Variants in SULT1A1 observed in about 807,000 individuals in gnomAD.
The protein encoded by SULT1A1 is sulfotransferase family 1A member 1.
A neutral mutation model predicts 36.8 loss-of-function variants in SULT1A1; 35 were observed. The observed-to-expected ratio is 0.95, with a 90% CI of 0.73 to 1.26. The LOEUF (loss-of-function observed/expected upper bound fraction) is 1.26, where lower values mean the gene tolerates loss of function less well. Among genes scored for constraint, SULT1A1 ranks in the 50% most tolerant of loss-of-function variants. The probability of loss-of-function intolerance (pLI) is 0.00; values close to 1 mark genes in which losing one functional copy is unlikely to be tolerated. For missense variants in SULT1A1, 309 were observed against 383.0 expected, an observed-to-expected ratio of 0.81 and a Z score of 1.61; for synonymous variants, 119 against 146.0, an observed-to-expected ratio of 0.82 and a Z score of 1.33.
chr16:28,618,751 T>A (rs1034642494), intron 2 of SULT1A1, among the ~76,000 whole-genome samples: 1 of 152,202 alleles, frequency 6.6e-6, no homozygotes, highest in Non-Finnish European at 1.5e-5. Context: ...TCCTTCACTA[T>A]CAATACCTTT....
At chr16:28,622,834 A>C (rs1043418102) in intron 1 of SULT1A1, among the ~76,000 whole-genome samples, 7 of 151,998 alleles carry the variant, frequency 4.6e-5, no homozygotes, top group Admixed American at 2.0e-4. Flanking sequence ...ACCCAACCCC[A>C]GAGTCTGAGC....
chr16:28,621,268 G>A (rs2047648135), intron 1 of SULT1A1, among the ~76,000 whole-genome samples: 1 of 151,904 alleles, frequency 6.6e-6, no homozygotes, highest in African/African-American at 2.4e-5. Context: ...GATTACTTGA[G>A]TTCAGGAGTT....
chr16:28,620,193 C>A (rs2151724344), intron 1 of SULT1A1: 1 of 1,522,474 alleles, frequency 6.6e-7, no homozygotes, highest in African/African-American at 1.4e-5. Context: ...TATAACAGTT[C>A]ATGTTTAAGT....
intron 2 of SULT1A1, among the ~76,000 whole-genome samples, chr16:28,618,367 A>T (rs2047587047): frequency 1.3e-4 from 4 of 31,432 alleles, no homozygotes; most frequent in Admixed American, 4.6e-4. Context: ...TTTTTTTGAG[A>T]CAGAGTCTCG....
intron 2 of SULT1A1, among the ~76,000 whole-genome samples, chr16:28,618,599 C>T (rs1299824358): frequency 6.6e-6 from 1 of 152,096 alleles, no homozygotes; most frequent in Non-Finnish European, 1.5e-5. Flanking sequence ...CCGCCTCCAC[C>T]TCCCAAAGTG....
chr16:28,623,107 C>CGGG, intron 1 of SULT1A1: 7 of 1,509,454 alleles, frequency 4.6e-6, no homozygotes, highest in South Asian at 1.2e-5. Context: ...TCCCACCCCC[C>CGGG]AGGTTCCCCC....
intron 2 of SULT1A1, among the ~76,000 whole-genome samples, chr16:28,618,881 G>A (rs575133106): frequency 1.8e-4 from 28 of 152,268 alleles, no homozygotes; most frequent in African/African-American, 5.5e-4. Flanking sequence ...TTTGCAAATA[G>A]AATCCCAAAT....
intron 2 of SULT1A1, among the ~76,000 whole-genome samples, chr16:28,619,734 T>TAAA (rs55829523): frequency 2.2e-5 from 3 of 135,724 alleles, no homozygotes; most frequent in Non-Finnish European, 3.2e-5. Flanking sequence ...AAAATTTTAT[T>TAAA]AAAAAATATA....
rs181246712 is a variant in SULT1A1, at chr16:28,618,182, C to T, written c.138+1881G>A. ...CTTCCTGAGCAGCTGGGACAACAGA[C>T]GCTTGCCACTATGCCCAGCTAATTT... On this transcript the variant is annotated intron_variant, in intron 2 of 5. Transcript: ENST00000350842. Among the ~76,000 whole-genome samples the T allele has an allele frequency of 1.4e-3, 210 of 151,738 alleles. 1 individual carries two copies. Among genetic ancestry groups the T allele is most frequent in the Non-Finnish European group, 2.4e-3 (164 of 67,926 alleles).
intron 1 of SULT1A1, chr16:28,609,697 G>A: frequency 2.3e-6 from 1 of 436,642 alleles, no homozygotes; most frequent in Non-Finnish European, 3.9e-6. Flanking sequence ...ATTCAAGGCT[G>A]CAGTGGCCAG....
chr16:28,611,167 A>C (rs2047439424), upstream of SULT1A1: 1 of 152,210 alleles, frequency 6.6e-6, no homozygotes, highest in Non-Finnish European at 1.5e-5. Flanking sequence ...TCTAGTAACA[A>C]CCTGTCGGAC....
intron 1 of SULT1A1, 142 bp from the exon 2 acceptor site, chr16:28,609,001 G>T: frequency 1.3e-6 from 2 of 1,550,792 alleles, no homozygotes; most frequent in Non-Finnish European, 1.7e-6. Context: ...TCAGTGGCGG[G>T]GCTGGGGCTG....
At position 28,606,232 on chromosome 16, in the gene SULT1A1, G is replaced by A. The variant is rs2047179492; in HGVS notation, c.599C>T (p.Pro200Leu). 3 of 1,610,010 alleles carry A rather than the reference G, an allele frequency of 1.9e-6. No individual in the cohort carries two copies. The highest frequency in any genetic ancestry group is 1.1e-5 in the South Asian group (1 of 90,940). The stretch of plus-strand genomic sequence containing the variant: ...CAGGATCTTTTGAATCTCCCTTTTC[G>A]GGTTCTGAGCAGCAGAGGGCCCCTC... Reference protein sequence around the residue: ...YLFYEDMKENPKREIQKILEF... With the variant: ...YLFYEDMKENLKREIQKILEF... The change falls in exon 7 of 8, where the codon CCG becomes CTG. Residue 200 changes from proline (P) to leucine (L), a missense_variant. By Grantham distance (98) the Pro-to-Leu change is moderately conservative. This residue lies in a region of SULT1A1 where 219 missense variants were observed against 215.3 expected (regional missense o/e 1.02). Coordinates refer to ENST00000314752, the MANE Select transcript of SULT1A1 (RefSeq NM_001055.4).
intron 1 of SULT1A1, among the ~76,000 whole-genome samples, chr16:28,622,455 T>A (rs1170026804): frequency 6.6e-6 from 1 of 152,048 alleles, no homozygotes; most frequent in Non-Finnish European, 1.5e-5. Context: ...CCCTCACAGG[T>A]ATATAGTCCT....
Position 28,606,974 on chromosome 16 carries a change from A to G in SULT1A1, c.476T>C (p.Leu159Pro), listed in dbSNP as rs755941191. ...ACCTTCTCCGACCATGAACTTCTCC[A>G]GGAAGCTGTCCCAGGTCCCAGGCTC... is the stretch of plus-strand genomic sequence containing the variant. ...HPEPGTWDSF[L>P]EKFMVGEVSY... Residue 159 changes from leucine (L) to proline (P), a missense_variant, in exon 5 of 8, where the codon CTG becomes CCG. By Grantham distance (98) the Leu-to-Pro change is moderately conservative. Around this residue, in one of 3 missense-constraint regions of SULT1A1, gnomAD observed 219 missense variants for 215.3 expected, o/e 1.02. Transcript: ENST00000314752. 1.2e-6 allele frequency: 2 copies of G among 1,612,522 alleles called. No individual in the cohort carries two copies. Among genetic ancestry groups the G allele is most frequent in the Admixed American group, 3.3e-5 (2 of 59,940 alleles).
chr16:28,609,798 C>T (rs2047375893), intron 1 of SULT1A1, 133 bp downstream of exon 1: 1 of 1,001,022 alleles, frequency 1.0e-6, no homozygotes, highest in Non-Finnish European at 1.3e-6. Flanking sequence ...GGGATTCACG[C>T]AGGCCAGGGT....
At chr16:28,616,237 G>C (rs911409586) in intron 2 of SULT1A1, among the ~76,000 whole-genome samples, 1 of 152,180 alleles carries the variant, frequency 6.6e-6, no homozygotes, top group African/African-American at 2.4e-5. Context: ...GGAAGAAAAA[G>C]TAATTGCTAC....
intron 1 of SULT1A1, 57 bp downstream of exon 1, chr16:28,609,874 A>C: frequency 8.1e-7 from 1 of 1,240,314 alleles, no homozygotes; most frequent in Non-Finnish European, 1.0e-6. Flanking sequence ...CTGGAATGTT[A>C]GAGCCACAAG....
At chr16:28,610,264 G>GGTTT, upstream of SULT1A1, 3 of 346,648 alleles carry the variant, frequency 8.7e-6, no homozygotes, top group South Asian at 2.7e-5. Context: ...TTTTTTTTCT[G>GGTTT]TTTTTTTTTT....
Sources: gnomAD v4.1 joint callset for allele counts (sites outside exome capture counted in the v4.1 genomes callset) on GRCh38, gnomAD v4.1.1 for gene constraint, gnomAD v4.1.1 regional missense constraint, MANE v1.5 for transcripts, NCBI Gene and HGNC (gene_info 2026-07-23, HGNC 2026-07-21) for gene names.